ARHGEF3: variants seen among roughly 807,000 people sequenced by gnomAD.
The protein encoded by ARHGEF3 is Rho guanine nucleotide exchange factor 3, also known as 59.8 kDA protein.
ARHGEF3 carries 28 observed loss-of-function variants against 63.2 expected under a neutral mutation model. The ratio of observed to expected loss-of-function variants is 0.44; its 90% CI spans 0.33 to 0.61. The LOEUF (loss-of-function observed/expected upper bound fraction) is 0.61. Among genes scored for constraint, ARHGEF3 ranks in the 20% least tolerant of loss-of-function variants. The pLI, the probability that ARHGEF3 is intolerant of heterozygous loss-of-function variation, is 0.03. For missense variants in ARHGEF3, 533 were observed against 659.3 expected, an observed-to-expected ratio of 0.81 and a Z score of 2.10; for synonymous variants, 266 against 254.2, an observed-to-expected ratio of 1.05 and a Z score of -0.44.
chr3:56,966,578 G>C (rs2106794517), intron 2 of ARHGEF3, among the ~76,000 whole-genome samples: 2 of 152,276 alleles, frequency 1.3e-5, no homozygotes, highest in South Asian at 4.1e-4. Flanking sequence ...AGCAGAGTCA[G>C]GGATTTGGCC....
At chr3:56,918,686 A>T (rs1356810040) in intron 3 of ARHGEF3, among the ~76,000 whole-genome samples, 1 of 152,244 alleles carries the variant, frequency 6.6e-6, no homozygotes, top group East Asian at 1.9e-4. Context: ...AGGCACTTCA[A>T]GAGGAGAATT....
At chr3:56,763,600 A>T (rs1261031716) in intron 2 of ARHGEF3, among the ~76,000 whole-genome samples, 1 of 152,232 alleles carries the variant, frequency 6.6e-6, no homozygotes, top group Non-Finnish European at 1.5e-5. Context: ...AGAGCCTCAC[A>T]TGCAGAGTTA....
chr3:57,069,697 T>C (rs77870452), intron 1 of ARHGEF3, among the ~76,000 whole-genome samples: 2,597 of 152,208 alleles, frequency 0.017, 35 homozygotes, highest in Admixed American at 0.03. Context: ...CAAGCTGGAG[T>C]GCATTAGTGT....
intron 3 of ARHGEF3, among the ~76,000 whole-genome samples, chr3:56,945,001 A>G (rs1176137484): frequency 6.6e-6 from 1 of 152,216 alleles, no homozygotes; most frequent in Non-Finnish European, 1.5e-5. Context: ...GCAGGATCTG[A>G]GAGGAATGAC....
Position 56,732,264 on chromosome 3 carries a change from C to T in ARHGEF3, c.1202G>A (p.Arg401Gln), listed in dbSNP as rs1330576991. Residue 401 changes from arginine to glutamine, a missense_variant, in exon 9 of 10, where the codon CGA becomes CAA. Physicochemically the swap from Arg to Gln is conservative, Grantham distance 43. This residue lies in a region of ARHGEF3 where 151 missense variants were observed against 190.7 expected (regional missense o/e 0.79). Coordinates refer to ENST00000296315, the MANE Select transcript of ARHGEF3 (RefSeq NM_019555.3). ...TCTCTCATTGTTGCTGAATGCCCCTCGCAGGGAGCCACCCAGCCTCACTTC... is the reference window on the plus strand; with the variant it reads ...TCTCTCATTGTTGCTGAATGCCCCTTGCAGGGAGCCACCCAGCCTCACTTC... ...DGEVRLGGSL[R>Q]GAFSNNERIK... 2 of 1,614,170 alleles carry T rather than the reference C, an allele frequency of 1.2e-6. No individual in the cohort carries two copies. Among genetic ancestry groups the T allele is most frequent in the Non-Finnish European group, 1.7e-6 (2 of 1,180,040 alleles).
intron 3 of ARHGEF3, among the ~76,000 whole-genome samples, chr3:56,892,942 A>G (rs555110108): frequency 4.6e-5 from 7 of 152,074 alleles, no homozygotes; most frequent in African/African-American, 1.7e-4. Context: ...TGGAACACCT[A>G]CTCCTTGGGG....
chr3:56,801,812 C>A lies in ARHGEF3; in HGVS notation c.-14G>T, dbSNP rs534586116. The A allele has an allele frequency of 3.9e-6, 6 of 1,555,430 alleles. No individual in the cohort carries two copies. The Admixed American group carries it at 7.8e-5, about 20-fold the overall frequency. On this transcript the variant is annotated 5_prime_UTR_variant, in exon 1 of 10. Coordinates refer to ENST00000296315, the MANE Select transcript of ARHGEF3 (RefSeq NM_019555.3). ...CTTGGCCACCATGGCGGCTGCCGGG[C>A]CTGCCCTTTGGGATGTCACCGCTGA...
At position 56,838,808 on chromosome 3, in the gene ARHGEF3, T is replaced by C. The variant is rs574556614; in HGVS notation, c.192+43484A>G. Among the ~76,000 whole-genome samples the C allele has an allele frequency of 1.9e-4, 29 of 152,148 alleles. No individual in the cohort carries two copies. In the South Asian group the frequency reaches 5.6e-3, roughly 29 times the overall value. ...AAAGTACAATGACAGATGGTCATTG[T>C]GTGTCATTTAAGAAAGGCAAACGAT... On this transcript the variant is annotated intron_variant, in intron 4 of 12. Coordinates refer to the ARHGEF3 transcript ENST00000338458.
At position 56,753,581 on chromosome 3, in the gene ARHGEF3, A is replaced by G; in HGVS notation, c.376-15T>C. The G allele has an allele frequency of 6.2e-7, 1 of 1,611,098 alleles. No homozygotes were observed. Among genetic ancestry groups the G allele is most frequent in the African/African-American group, 1.3e-5 (1 of 74,964 alleles). ...TCAAAGATCGCCTGCAAGGAAAGAT[A>G]AACATATTCACTGAATTCTCCCTTC... is the stretch of plus-strand genomic sequence containing the variant. On this transcript the variant is annotated splice_polypyrimidine_tract_variant and intron_variant, in intron 3 of 9. Coordinates refer to ENST00000296315, the MANE Select transcript of ARHGEF3 (RefSeq NM_019555.3).
chr3:57,031,974 T>C (rs541187595), intron 2 of ARHGEF3, among the ~76,000 whole-genome samples: 18 of 152,324 alleles, frequency 1.2e-4, no homozygotes, highest in African/African-American at 4.3e-4. Flanking sequence ...CTCTGAAATA[T>C]ATACTAAAAG....
intron 1 of ARHGEF3, among the ~76,000 whole-genome samples, chr3:56,789,377 C>T (rs1435059999): frequency 2.0e-5 from 3 of 152,196 alleles, no homozygotes; most frequent in African/African-American, 4.8e-5. Context: ...TTAGCTGGCA[C>T]TTTGGCATGT....
intron 3 of ARHGEF3, among the ~76,000 whole-genome samples, chr3:56,957,639 C>T (rs1263553146): frequency 1.3e-5 from 2 of 152,070 alleles, no homozygotes; most frequent in Non-Finnish European, 2.9e-5. Flanking sequence ...TGCAGGGGTA[C>T]ATAGGAGATT....
intron 1 of ARHGEF3, among the ~76,000 whole-genome samples, chr3:57,070,314 A>C (rs1369124059): frequency 6.8e-6 from 1 of 146,856 alleles, no homozygotes; most frequent in Admixed American, 6.7e-5. Context: ...TCACAAATTC[A>C]GGAGTTAAAT....
intron 3 of ARHGEF3, among the ~76,000 whole-genome samples, chr3:56,931,269 T>C (rs1684041575): frequency 1.3e-5 from 2 of 152,180 alleles, no homozygotes; most frequent in Non-Finnish European, 1.5e-5. Flanking sequence ...GTGGAAGTTA[T>C]TTTTTAAAAG....
At chr3:56,781,719 C>T (rs1227418195) in intron 1 of ARHGEF3, among the ~76,000 whole-genome samples, 1 of 152,208 alleles carries the variant, frequency 6.6e-6, no homozygotes, top group Non-Finnish European at 1.5e-5. Context: ...GTAACTAACA[C>T]ATAGTTTGGA....
chr3:57,036,517 T>C (rs1309675317), intron 1 of ARHGEF3, among the ~76,000 whole-genome samples: 2 of 152,138 alleles, frequency 1.3e-5, no homozygotes, highest in Admixed American at 1.3e-4. Flanking sequence ...GAGCCATAAC[T>C]CTGGGATCCT....
intron 2 of ARHGEF3, among the ~76,000 whole-genome samples, chr3:57,003,362 C>T (rs1302136279): frequency 2.1e-5 from 3 of 140,452 alleles, no homozygotes; most frequent in South Asian, 4.6e-4. Flanking sequence ...GAGATCGCAC[C>T]GCTGCTCTCC....
Position 56,946,732 on chromosome 3 carries a change from A to G in ARHGEF3, c.129+12091T>C, listed in dbSNP as rs538708868. Among the ~76,000 whole-genome samples, 11 of 152,352 alleles carry G rather than the reference A, an allele frequency of 7.2e-5. No individual in the cohort carries two copies. In the South Asian group the frequency reaches 2.3e-3, roughly 32 times the overall value. ...GATATTATCCAGGAGAACTTCCCCA[A>G]TCTAGCAAGGCAGGCCAACATTCAA... is the stretch of plus-strand genomic sequence containing the variant. On this transcript the variant is annotated intron_variant, in intron 3 of 12. Transcript: ENST00000338458.
chr3:56,791,715 G>C (rs995890957), intron 1 of ARHGEF3, among the ~76,000 whole-genome samples: 3 of 152,082 alleles, frequency 2.0e-5, no homozygotes, highest in African/African-American at 7.2e-5. Flanking sequence ...TGGGCAAGGA[G>C]GGACCAACAT....
Sources: allele counts gnomAD v4.1 joint callset (sites outside exome capture counted in the v4.1 genomes callset), GRCh38; gene constraint gnomAD v4.1.1; regional missense constraint gnomAD v4.1.1; transcripts MANE v1.5; gene names NCBI Gene and HGNC (gene_info 2026-07-23, HGNC 2026-07-21).